TTC28: variants seen among roughly 807,000 people sequenced by gnomAD.
The protein encoded by TTC28 is tetratricopeptide repeat protein 28.
In TTC28, 61 loss-of-function variants were observed where a neutral mutation model predicts 198.0. The observed-to-expected ratio is 0.31, with a 90% confidence interval of 0.25 to 0.38. The LOEUF is 0.38. Ranked by LOEUF, TTC28 falls within the 10% of genes least tolerant of loss-of-function variation. The probability of loss-of-function intolerance (pLI) is 1.00; values close to 1 mark genes in which losing one functional copy is unlikely to be tolerated. For synonymous variants in TTC28, 1,171 were observed against 1,297.8 expected, an observed-to-expected ratio of 0.90 and a Z score of 2.10; for missense variants, 2,678 against 3,164.0, an observed-to-expected ratio of 0.85 and a Z score of 3.69.
chr22:28,197,696 A>G (rs1184028434), intron 5 of TTC28, among the ~76,000 whole-genome samples: 1 of 152,140 alleles, frequency 6.6e-6, no homozygotes, highest in Admixed American at 6.5e-5. Context: ...TCTTCCATAA[A>G]TAAGGACTGG....
chr22:28,194,661 C>A lies in TTC28; in HGVS notation c.934-31062G>T, dbSNP rs113889570. On this transcript the variant is annotated intron_variant, in intron 5 of 22. Coordinates refer to ENST00000397906, the MANE Select transcript of TTC28 (RefSeq NM_001145418.2). ...TCAGAGAATACCAGAAACACCTCTA[C>A]GGAAATAAACTAGAAAATCTAGAAG... Among the ~76,000 whole-genome samples, 4 of 151,334 alleles carry A rather than the reference C, an allele frequency of 2.6e-5. No homozygotes were observed. In the South Asian group the frequency reaches 8.4e-4, roughly 32 times the overall value.
intron 6 of TTC28, among the ~76,000 whole-genome samples, chr22:28,129,130 T>A (rs1438228254): frequency 6.6e-6 from 1 of 152,102 alleles, no homozygotes; most frequent in Non-Finnish European, 1.5e-5. Context: ...ACGCCACTAC[T>A]CCCAATGACA....
intron 2 of TTC28, among the ~76,000 whole-genome samples, chr22:28,328,160 G>C (rs1601634624): frequency 6.6e-6 from 1 of 152,192 alleles, no homozygotes; most frequent in East Asian, 1.9e-4. Flanking sequence ...GGCTAGGTGA[G>C]GTAGCTCATG....
chr22:28,441,578 T>C (rs932672084), intron 2 of TTC28, among the ~76,000 whole-genome samples: 1 of 152,190 alleles, frequency 6.6e-6, no homozygotes, highest in African/African-American at 2.4e-5. Context: ...CAATTAGATA[T>C]CAAAGAAAAC....
intron 5 of TTC28, among the ~76,000 whole-genome samples, chr22:28,278,722 A>T (rs926446980): frequency 1.3e-5 from 2 of 152,264 alleles, no homozygotes; most frequent in East Asian, 3.8e-4. Context: ...AAGCACTGCC[A>T]CTATTGCTAA....
intron 5 of TTC28, among the ~76,000 whole-genome samples, chr22:28,180,809 C>T (rs1378197450): frequency 7.2e-5 from 11 of 152,288 alleles, no homozygotes; most frequent in African/African-American, 2.2e-4. Context: ...GGCTTAAATA[C>T]CACATAAACA....
chr22:28,521,668 A>C (rs2048912285), intron 2 of TTC28, among the ~76,000 whole-genome samples: 1 of 152,218 alleles, frequency 6.6e-6, no homozygotes, highest in South Asian at 2.1e-4. Flanking sequence ...GGGGATAGTA[A>C]GACAAAATTA....
chr22:28,027,474 C>T (rs562122054), intron 13 of TTC28, among the ~76,000 whole-genome samples: 174 of 152,320 alleles, frequency 1.1e-3, no homozygotes, highest in Non-Finnish European at 2.0e-3. Context: ...TCACTTGACT[C>T]GCATTAGCTA....
chr22:28,534,107 A>T (rs1266695616), intron 2 of TTC28, among the ~76,000 whole-genome samples: 2 of 152,242 alleles, frequency 1.3e-5, no homozygotes, highest in African/African-American at 4.8e-5. Flanking sequence ...AGAAAGTACC[A>T]TCAGAGTAAA....
chr22:28,651,363 G>A (rs765450834), intron 1 of TTC28, among the ~76,000 whole-genome samples: 7 of 150,178 alleles, frequency 4.7e-5, no homozygotes, highest in Admixed American at 1.3e-4. Context: ...GTGCAGTGGC[G>A]TGATCTGAGC....
At chr22:28,493,983 C>T (rs920128024) in intron 2 of TTC28, among the ~76,000 whole-genome samples, 2 of 152,200 alleles carry the variant, frequency 1.3e-5, no homozygotes, top group East Asian at 3.8e-4. Context: ...GTCAAACAAA[C>T]ACACTGTGGG....
intron 2 of TTC28, among the ~76,000 whole-genome samples, chr22:28,531,823 G>A (rs545409167): frequency 2.8e-4 from 42 of 152,168 alleles, no homozygotes; most frequent in African/African-American, 9.6e-4. Flanking sequence ...GGTACATAAC[G>A]AAATGAAGGC....
intron 5 of TTC28, among the ~76,000 whole-genome samples, chr22:28,258,427 C>A (rs1176031455): frequency 4.6e-5 from 7 of 152,084 alleles, no homozygotes; most frequent in Admixed American, 3.9e-4. Flanking sequence ...GATTATTAGA[C>A]CTACATATAT....
intron 2 of TTC28, among the ~76,000 whole-genome samples, chr22:28,484,549 A>G (rs1159562141): frequency 6.6e-6 from 1 of 152,204 alleles, no homozygotes; most frequent in Non-Finnish European, 1.5e-5. Flanking sequence ...TCTGGGGTAG[A>G]CAACCTCAAC....
intron 2 of TTC28, among the ~76,000 whole-genome samples, chr22:28,491,760 G>A (rs1351708025): frequency 2.6e-5 from 4 of 152,118 alleles, no homozygotes; most frequent in African/African-American, 9.7e-5. Context: ...TCATTACTGG[G>A]TATATACTCA....
intron 2 of TTC28, among the ~76,000 whole-genome samples, chr22:28,602,478 C>T (rs771139826): frequency 1.3e-5 from 2 of 152,106 alleles, no homozygotes; most frequent in Non-Finnish European, 2.9e-5. Context: ...GTTACCAATA[C>T]ATACTGAAGG....
chr22:28,315,961 T>A (rs1157014962), intron 2 of TTC28, among the ~76,000 whole-genome samples: 1 of 152,198 alleles, frequency 6.6e-6, no homozygotes, highest in Non-Finnish European at 1.5e-5. Flanking sequence ...TTTTTACAGT[T>A]AAATGCAAAG....
intron 5 of TTC28, among the ~76,000 whole-genome samples, chr22:28,225,125 C>A (rs956711725): frequency 6.6e-6 from 1 of 151,944 alleles, no homozygotes; most frequent in Non-Finnish European, 1.5e-5. Flanking sequence ...GTAATCCCAG[C>A]ACTTTGGGAG....
intron 5 of TTC28, among the ~76,000 whole-genome samples, chr22:28,244,882 C>T (rs536252774): frequency 6.6e-6 from 1 of 152,290 alleles, no homozygotes; most frequent in South Asian, 2.1e-4. Flanking sequence ...AATTTCACAG[C>T]TCAGTGAAGT....
Sources: allele counts gnomAD v4.1 joint callset (sites outside exome capture counted in the v4.1 genomes callset), GRCh38; gene constraint gnomAD v4.1.1; transcripts MANE v1.5; gene names NCBI Gene and HGNC (gene_info 2026-07-23, HGNC 2026-07-21).